The following DLG2 variants were observed in gnomAD, a reference collection of about 807,000 sequenced individuals.
DLG2 encodes the protein discs large MAGUK scaffold protein 2.
Under a neutral mutation model 132.5 loss-of-function variants are expected in DLG2, and 45 were observed. The ratio of observed to expected loss-of-function variants is 0.34; its 90% CI spans 0.27 to 0.44. The LOEUF is 0.44. DLG2 is among the 20% of genes least tolerant of loss of function. The pLI is 1.00. For missense variants in DLG2, 1,045 were observed against 1,196.9 expected, an observed-to-expected ratio of 0.87 and a Z score of 1.87; for synonymous variants, 424 against 419.6, an observed-to-expected ratio of 1.01 and a Z score of -0.13.
intron 15 of DLG2, among the ~76,000 whole-genome samples, chr11:83,885,491 C>T (rs1472828799): frequency 2.6e-5 from 4 of 152,102 alleles, no homozygotes; most frequent in African/African-American, 7.2e-5. Flanking sequence ...CTGAAAGTGA[C>T]GAGGAGAATG....
chr11:85,234,399 T>A (rs2075468361), intron 4 of DLG2, among the ~76,000 whole-genome samples: 1 of 151,900 alleles, frequency 6.6e-6, no homozygotes, highest in Non-Finnish European at 1.5e-5. Flanking sequence ...AAAGAGTGTT[T>A]GTTATCTCTA....
intron 18 of DLG2, among the ~76,000 whole-genome samples, chr11:83,714,371 G>A (rs963876500): frequency 6.6e-6 from 1 of 152,002 alleles, no homozygotes; most frequent in Non-Finnish European, 1.5e-5. Flanking sequence ...CTTTTAATGT[G>A]CATTATCTAC....
At chr11:84,844,135 G>GTGTGTATATATA in intron 6 of DLG2, among the ~76,000 whole-genome samples, 1 of 43,704 alleles carries the variant, frequency 2.3e-5, no homozygotes, top group South Asian at 8.2e-4. Flanking sequence ...GTGTGTGTGT[G>GTGTGTATATATA]TATATATATA....
chr11:85,479,381 A>T lies in DLG2; in HGVS notation c.40+119276T>A, dbSNP rs2093229603. ...TCTCTAGGACCTCTTTCCTAAAGGC[A>T]CAAATCTCATTCATGAGGGTTCCAC... On this transcript the variant is annotated intron_variant, in intron 3 of 27. Coordinates refer to ENST00000376104, the MANE Select transcript of DLG2 (RefSeq NM_001142699.3). Among the ~76,000 whole-genome samples, 6 of 152,318 alleles carry T rather than the reference A, an allele frequency of 3.9e-5. No individual in the cohort carries two copies. In the South Asian group the frequency reaches 1.2e-3, roughly 32 times the overall value.
At chr11:85,623,278 A>G (rs2081847307) in intron 2 of DLG2, among the ~76,000 whole-genome samples, 1 of 152,124 alleles carries the variant, frequency 6.6e-6, no homozygotes, top group Admixed American at 6.5e-5. Context: ...CTTCTACACC[A>G]GTTTAAAAGA....
chr11:84,497,900 A>T (rs1423861596), intron 7 of DLG2, among the ~76,000 whole-genome samples: 4 of 152,170 alleles, frequency 2.6e-5, no homozygotes, highest in Non-Finnish European at 5.9e-5. Context: ...GTATCCACTG[A>T]TTGAGCTATG....
rs373305045 is a variant in DLG2 at position 85,191,158 on chromosome 11, G to A, written c.187-36507C>T. ...TCTATATGCATGCGCGCGCGCGCAC[G>A]CGCGCACACACACACACACACACAC... On this transcript the variant is annotated intron_variant, in intron 4 of 27. Transcript: ENST00000376104. Among the ~76,000 whole-genome samples, 81 of 113,408 alleles carry A rather than the reference G, an allele frequency of 7.1e-4. 2 individuals carry two copies. Among genetic ancestry groups the A allele is most frequent in the African/African-American group, 1.8e-3 (53 of 29,342 alleles). 74.4% of individuals were successfully genotyped at this position (113,408 alleles called of 152,430 possible). A position where few individuals can be genotyped will look rare whatever the true frequency, so the allele number is the denominator to read the frequency against.
intron 16 of DLG2, among the ~76,000 whole-genome samples, chr11:83,871,632 C>CTCTGTGCTCAGTCACAGTGAT (rs751437557): frequency 1.4e-4 from 6 of 42,810 alleles, no homozygotes; most frequent in Non-Finnish European, 2.6e-4. Flanking sequence ...AACTTTCCCA[C>CTCTGTGCTCAGTCACAGTGAT]TATGTGCACG....
At chr11:84,514,061 A>G (rs1405587233) in intron 7 of DLG2, among the ~76,000 whole-genome samples, 1 of 152,148 alleles carries the variant, frequency 6.6e-6, no homozygotes, top group Non-Finnish European at 1.5e-5. Flanking sequence ...AAAAGAAGCC[A>G]TGCACATGAC....
chr11:84,493,147 G>T (rs1027530795), intron 7 of DLG2, among the ~76,000 whole-genome samples: 1 of 151,776 alleles, frequency 6.6e-6, no homozygotes, highest in Admixed American at 6.6e-5. Context: ...ATGTCCATCA[G>T]CTTGGGGACA....
At chr11:84,167,749 C>T (rs867495055) in intron 8 of DLG2, among the ~76,000 whole-genome samples, 7 of 152,110 alleles carry the variant, frequency 4.6e-5, no homozygotes, top group Admixed American at 1.3e-4. Context: ...TCACTGCAAC[C>T]TCTGCATACC....
At chr11:84,473,525 G>T (rs80191472) in intron 7 of DLG2, among the ~76,000 whole-genome samples, 5,400 of 152,012 alleles carry the variant, frequency 0.036, 330 homozygotes, top group African/African-American at 0.12. Flanking sequence ...AATGGGTATT[G>T]CATGGAAGAA....
intron 11 of DLG2, among the ~76,000 whole-genome samples, chr11:84,040,788 T>G (rs984423780): frequency 6.6e-6 from 1 of 151,638 alleles, no homozygotes; most frequent in African/African-American, 2.4e-5. Context: ...GGGGATGGCA[T>G]TGAATCTGTA....
intron 7 of DLG2, among the ~76,000 whole-genome samples, chr11:84,533,894 G>A (rs545410638): frequency 6.8e-5 from 6 of 87,940 alleles, no homozygotes; most frequent in African/African-American, 1.9e-4. Flanking sequence ...ATCCAGTAGC[G>A]CCAGTTCAGC....
At chr11:84,581,026 G>A (rs80160466) in intron 6 of DLG2, among the ~76,000 whole-genome samples, 1,546 of 152,278 alleles carry the variant, frequency 0.01, 27 homozygotes, top group African/African-American at 0.034. Flanking sequence ...AGAGAAGCAC[G>A]AAAAAGCCAT....
intron 6 of DLG2, among the ~76,000 whole-genome samples, chr11:84,666,079 C>A (rs1278915125): frequency 6.6e-6 from 1 of 152,188 alleles, no homozygotes; most frequent in African/African-American, 2.4e-5. Flanking sequence ...GTCTCCAAAT[C>A]CATTTCTTCC....
chr11:85,034,365 G>A (rs1193292341), intron 6 of DLG2, among the ~76,000 whole-genome samples: 1 of 152,140 alleles, frequency 6.6e-6, no homozygotes, highest in Non-Finnish European at 1.5e-5. Flanking sequence ...TTGAGCCACA[G>A]CATCTGGCCT....
intron 11 of DLG2, among the ~76,000 whole-genome samples, chr11:84,013,866 C>CAAAAAA (rs5793100): frequency 1.6e-5 from 1 of 64,078 alleles, no homozygotes; most frequent in Non-Finnish European, 2.9e-5. Flanking sequence ...GACTGCGTCT[C>CAAAAAA]AAAAAAAAAA....
At chr11:84,540,721 G>C (rs973324027) in intron 6 of DLG2, among the ~76,000 whole-genome samples, 17 of 152,100 alleles carry the variant, frequency 1.1e-4, no homozygotes, top group African/African-American at 2.4e-4. Context: ...AAATCATGCT[G>C]CTATAAAGAC....
Sources: gnomAD v4.1 joint callset for allele counts (sites outside exome capture counted in the v4.1 genomes callset) on GRCh38, gnomAD v4.1.1 for gene constraint, MANE v1.5 for transcripts, NCBI Gene and HGNC (gene_info 2026-07-23, HGNC 2026-07-21) for gene names.